The following ADAMTS12 variants were observed in gnomAD, a reference collection of about 807,000 sequenced individuals.
The protein encoded by ADAMTS12 is ADAM metallopeptidase with thrombospondin type 1 motif 12, also known as A disintegrin and metalloproteinase with thrombospondin motifs 12.
A neutral mutation model predicts 167.8 loss-of-function variants in ADAMTS12; 118 were observed. The observed-to-expected ratio is 0.70, with a 90% CI of 0.61 to 0.82. The LOEUF is 0.82. Ranked by LOEUF, ADAMTS12 falls within the 40% of genes least tolerant of loss-of-function variation. The pLI, the probability that ADAMTS12 is intolerant of heterozygous loss-of-function variation, is 0.00. For missense variants in ADAMTS12, 1,916 were observed against 1,998.8 expected (o/e 0.96, Z 0.79); for synonymous variants, 704 against 716.9 (o/e 0.98, Z 0.29).
intron 20 of ADAMTS12, among the ~76,000 whole-genome samples, chr5:33,554,465 G>T (rs1947081533): frequency 6.6e-6 from 1 of 152,116 alleles, no homozygotes; most frequent in African/African-American, 2.4e-5. Context: ...AATCTGAAAT[G>T]CTCAGGGGTG....
intron 2 of ADAMTS12, among the ~76,000 whole-genome samples, chr5:33,824,027 A>G (rs1380330694): frequency 6.6e-6 from 1 of 152,196 alleles, no homozygotes. Context: ...ACCCCAATAA[A>G]GCTTGTTGAA....
At position 33,614,242 on chromosome 5, in the gene ADAMTS12, C is replaced by A; in HGVS notation, c.2523G>T (p.Gly841=). 6.2e-7 allele frequency: 1 copy of A among 1,613,604 alleles called. No individual in the cohort carries two copies. The highest frequency in any genetic ancestry group is 8.5e-7 in the Non-Finnish European group (1 of 1,179,814). ...GHWTECSVTC[G]TGIRRQTAHC... is the part of the protein sequence containing the mutation. The stretch of plus-strand genomic sequence containing the variant: ...GTGAGAGCAGCTGTTTCTCACCTGT[C>A]CCGCAGGTCACACTGCACTCTGTCC... The change falls in exon 16 of 24, where the codon GGG becomes GGT. Residue 841 remains glycine, a synonymous_variant. Coordinates refer to ENST00000504830, the MANE Select transcript of ADAMTS12 (RefSeq NM_030955.4).
intron 1 of ADAMTS12, among the ~76,000 whole-genome samples, chr5:33,890,220 G>A (rs575911072): frequency 3.7e-4 from 56 of 152,264 alleles, no homozygotes; most frequent in Middle Eastern, 6.8e-3. Context: ...GTCTTTGAAC[G>A]AAATCATCTC....
chr5:33,584,420 G>A (rs1250352342), intron 18 of ADAMTS12, among the ~76,000 whole-genome samples: 1 of 151,860 alleles, frequency 6.6e-6, no homozygotes, highest in East Asian at 1.9e-4. Flanking sequence ...TAGGCCCCAA[G>A]CACTGCGCTT....
In ADAMTS12 at chr5:33,807,062, C is replaced by CAAGG. The variant is rs111387145; in HGVS notation, c.490-55518_490-55515dup. On this transcript the variant is annotated intron_variant, in intron 2 of 23. Transcript: ENST00000504830. ...ATTCTGAATTCCTACACACAGCGTACAAGGCCCTTTCTCCTCTGGCCTCTC... is the reference window on the plus strand; with the variant it reads ...ATTCTGAATTCCTACACACAGCGTACAAGGAAGGCCCTTTCTCCTCTGGCCTCTC... Among the ~76,000 whole-genome samples the CAAGG allele has an allele frequency of 9.4e-3, 1,428 of 152,302 alleles. 30 individuals carry two copies. The highest frequency in any genetic ancestry group is 0.033 in the African/African-American group (1,387 of 41,572).
rs987596253 is a variant in ADAMTS12, at chr5:33,525,219, G to A, written c.*1969C>T. ...AACAATTTAAGTGTCTCCTCTCCTC[G>A]AAAACCATTATTCACCAGAGATTGC... On this transcript the variant is annotated 3_prime_UTR_variant, in exon 24 of 24. Coordinates refer to ENST00000504830, the MANE Select transcript of ADAMTS12 (RefSeq NM_030955.4). 3 of 152,124 alleles carry A rather than the reference G, an allele frequency of 2.0e-5. No homozygotes were observed. The highest frequency in any genetic ancestry group is 4.1e-4 in the South Asian group (2 of 4,830). The allele number at this position is 152,124 out of a possible 1,614,324, so 9.4% of individuals were successfully genotyped here.
chr5:33,851,398 C>T (rs949612376), intron 2 of ADAMTS12, among the ~76,000 whole-genome samples: 1 of 151,926 alleles, frequency 6.6e-6, no homozygotes, highest in Admixed American at 6.6e-5. Flanking sequence ...GGTGACACAG[C>T]GAGACTCCAT....
At chr5:33,745,811 A>G (rs1744761842) in intron 3 of ADAMTS12, among the ~76,000 whole-genome samples, 2 of 152,226 alleles carry the variant, frequency 1.3e-5, no homozygotes, top group South Asian at 4.1e-4. Context: ...CACTCTGAGT[A>G]CCTAAAGTGT....
At chr5:33,597,183 A>G (rs1170253814) in intron 16 of ADAMTS12, among the ~76,000 whole-genome samples, 1 of 152,228 alleles carries the variant, frequency 6.6e-6, no homozygotes, top group Non-Finnish European at 1.5e-5. Flanking sequence ...GATAACTAGG[A>G]CATCATTAGC....
intron 2 of ADAMTS12, among the ~76,000 whole-genome samples, chr5:33,818,938 G>A (rs56146616): frequency 6.6e-6 from 1 of 151,626 alleles, no homozygotes; most frequent in African/African-American, 2.4e-5. Context: ...AAATTATTTT[G>A]TTTTCTGCTA....
chr5:33,751,291 A>AG, intron 3 of ADAMTS12, 113 bp downstream of exon 3: 1 of 1,348,042 alleles, frequency 7.4e-7, no homozygotes, highest in Non-Finnish European at 1.0e-6. Context: ...TATTAAAAAA[A>AG]AAAGAATACA....
chr5:33,675,325 T>C (rs1468909515), intron 5 of ADAMTS12, among the ~76,000 whole-genome samples: 1 of 152,210 alleles, frequency 6.6e-6, no homozygotes, highest in Non-Finnish European at 1.5e-5. Flanking sequence ...TCTGCATGGT[T>C]GTTGAGATTT....
intron 3 of ADAMTS12, among the ~76,000 whole-genome samples, chr5:33,745,072 C>A (rs1744732393): frequency 6.6e-6 from 1 of 152,178 alleles, no homozygotes; most frequent in African/African-American, 2.4e-5. Flanking sequence ...CCCACATAGG[C>A]CTACCATAGC....
At chr5:33,588,264 TG>T (rs1320398034) in intron 18 of ADAMTS12, among the ~76,000 whole-genome samples, 3 of 152,130 alleles carry the variant, frequency 2.0e-5, no homozygotes, top group Non-Finnish European at 2.9e-5. Context: ...TTGGGGTGTG[TG>T]GGAGGTCCCT....
chr5:33,644,438 A>G (rs1740585334), intron 9 of ADAMTS12, among the ~76,000 whole-genome samples: 1 of 152,310 alleles, frequency 6.6e-6, no homozygotes, highest in East Asian at 1.9e-4. Context: ...CTTTTCAACC[A>G]TGTCAAGTCT....
intron 19 of ADAMTS12, among the ~76,000 whole-genome samples, chr5:33,562,491 T>A (rs1179042385): frequency 1.3e-5 from 2 of 152,012 alleles, no homozygotes; most frequent in Non-Finnish European, 2.9e-5. Context: ...GGGCTGTTTC[T>A]GGATGAGCAA....
At chr5:33,612,062 C>T (rs764449720) in intron 16 of ADAMTS12, among the ~76,000 whole-genome samples, 10 of 152,200 alleles carry the variant, frequency 6.6e-5, no homozygotes, top group Non-Finnish European at 1.2e-4. Flanking sequence ...TCCAATGTTA[C>T]ATTTAGCAAT....
chr5:33,606,216 G>A (rs769165684), intron 16 of ADAMTS12, among the ~76,000 whole-genome samples: 1 of 152,190 alleles, frequency 6.6e-6, no homozygotes, highest in Non-Finnish European at 1.5e-5. Context: ...CCAAAGTGTT[G>A]GGATTACAGG....
At chr5:33,705,865 A>G (rs890947263) in intron 3 of ADAMTS12, among the ~76,000 whole-genome samples, 1 of 152,130 alleles carries the variant, frequency 6.6e-6, no homozygotes, top group African/African-American at 2.4e-5. Context: ...GAATTCAGGA[A>G]GGCAATCCTC....
Sources: gnomAD v4.1 joint callset for allele counts (sites outside exome capture counted in the v4.1 genomes callset) on GRCh38, gnomAD v4.1.1 for gene constraint, MANE v1.5 for transcripts, NCBI Gene and HGNC (gene_info 2026-07-23, HGNC 2026-07-21) for gene names.